GSR: variants seen among roughly 807,000 people sequenced by gnomAD.
GSR encodes the protein glutathione reductase, mitochondrial.
A neutral mutation model predicts 56.5 loss-of-function variants in GSR; 48 were observed. The observed-to-expected ratio is 0.85, with a 90% CI of 0.67 to 1.08. The LOEUF is 1.08. Among genes scored for constraint, GSR ranks in the 50% least tolerant of loss-of-function variants. The pLI is 0.00. For synonymous variants in GSR, 264 were observed against 270.8 expected (o/e 0.97, Z 0.25); for missense variants, 694 against 703.3 (o/e 0.99, Z 0.15).
chr8:30,701,147 C>T (rs1803725623), intron 5 of GSR, among the ~76,000 whole-genome samples: 2 of 152,252 alleles, frequency 1.3e-5, no homozygotes, highest in Non-Finnish European at 2.9e-5. Context: ...TCTGTAGCCC[C>T]CCTACCCTCA....
At chr8:30,714,394 T>G (rs1439449602) in intron 1 of GSR, among the ~76,000 whole-genome samples, 3 of 151,770 alleles carry the variant, frequency 2.0e-5, no homozygotes, top group African/African-American at 7.3e-5. Flanking sequence ...AGAGACAGAG[T>G]CGCACCATGT....
At chr8:30,705,567 A>C (rs1340803125) in intron 4 of GSR, among the ~76,000 whole-genome samples, 1 of 151,948 alleles carries the variant, frequency 6.6e-6, no homozygotes, top group Non-Finnish European at 1.5e-5. Context: ...CGGCCTCTAC[A>C]AACGTTTTTT....
chr8:30,692,322 G>A (rs1049021685), intron 8 of GSR, among the ~76,000 whole-genome samples: 7 of 134,140 alleles, frequency 5.2e-5, no homozygotes, highest in East Asian at 2.6e-4. Flanking sequence ...CTCCTGCCCC[G>A]AGTAGCTGGA....
intron 3 of GSR, among the ~76,000 whole-genome samples, chr8:30,709,059 C>T (rs1191837315): frequency 1.3e-5 from 2 of 150,644 alleles, no homozygotes; most frequent in Admixed American, 6.6e-5. Flanking sequence ...TCTTATTCTG[C>T]CTTTAAAAGG....
intron 12 of GSR, among the ~76,000 whole-genome samples, chr8:30,680,537 A>G (rs2956007): frequency 0.8 from 120,786 of 150,936 alleles, 48,463 homozygotes; most frequent in East Asian, 0.9. Flanking sequence ...TGGGATTACA[A>G]GCACGCACCA....
intron 2 of GSR, 56 bp from the exon 3 acceptor site, chr8:30,709,958 A>T: frequency 1.1e-6 from 1 of 932,426 alleles, no homozygotes; most frequent in Non-Finnish European, 1.7e-6. Context: ...GTCCTGAGGG[A>T]AAAAAGGAAT....
chr8:30,685,710 C>T (rs1803137902), intron 9 of GSR, among the ~76,000 whole-genome samples: 1 of 152,040 alleles, frequency 6.6e-6, no homozygotes, highest in South Asian at 2.1e-4. Flanking sequence ...CGCAGTGGTT[C>T]AGGCCTGTAA....
At chr8:30,692,725 G>A (rs983846674) in intron 8 of GSR, among the ~76,000 whole-genome samples, 1 of 150,698 alleles carries the variant, frequency 6.6e-6, no homozygotes, top group Admixed American at 6.6e-5. Context: ...TGTTCTCGAA[G>A]TCCTGACTTC....
chr8:30,682,973 G>A (rs958701239), intron 10 of GSR, among the ~76,000 whole-genome samples: 7 of 151,924 alleles, frequency 4.6e-5, no homozygotes, highest in South Asian at 2.1e-4. Flanking sequence ...GACTACAGGC[G>A]TGTGCCACCA....
intron 6 of GSR, among the ~76,000 whole-genome samples, chr8:30,697,938 G>C (rs373994855): frequency 7.9e-5 from 12 of 152,132 alleles, no homozygotes; most frequent in African/African-American, 2.7e-4. Flanking sequence ...AAATTCGCTC[G>C]CCTCAGGCCT....
intron 1 of GSR, among the ~76,000 whole-genome samples, chr8:30,725,598 T>A (rs780543723): frequency 2.7e-5 from 4 of 147,792 alleles, no homozygotes; most frequent in Non-Finnish European, 4.5e-5. Context: ...AAATAAAAAA[T>A]TAGCTGGGTG....
intron 4 of GSR, among the ~76,000 whole-genome samples, chr8:30,706,602 G>A (rs962407541): frequency 1.3e-5 from 2 of 152,146 alleles, no homozygotes; most frequent in South Asian, 2.1e-4. Context: ...GGAAGATATT[G>A]TCAAGGAAAA....
chr8:30,680,381 GTTTTTTTTT>G (rs34342136), intron 12 of GSR, among the ~76,000 whole-genome samples: 1 of 33,378 alleles, frequency 3.0e-5, no homozygotes, highest in African/African-American at 9.5e-5. Context: ...GGCCTCTCCT[GTTTTTTTTT>G]TTTTTTTTTT....
intron 1 of GSR, among the ~76,000 whole-genome samples, chr8:30,725,351 T>A (rs2343688): frequency 3.3e-5 from 5 of 151,450 alleles, no homozygotes; most frequent in Admixed American, 2.0e-4. Context: ...TTTGGGAGGC[T>A]GAGGTGAGCG....
chr8:30,691,914 C>T (rs1803390440), intron 8 of GSR, among the ~76,000 whole-genome samples: 1 of 151,784 alleles, frequency 6.6e-6, no homozygotes, highest in South Asian at 2.1e-4. Flanking sequence ...GCCTGGCCAA[C>T]ATGGCTCAAC....
chr8:30,688,937 A>C (rs766976981), intron 9 of GSR, among the ~76,000 whole-genome samples: 2 of 152,096 alleles, frequency 1.3e-5, no homozygotes, highest in African/African-American at 2.4e-5. Flanking sequence ...CAAAAAGAAA[A>C]AAACAAAAAC....
At chr8:30,701,320 G>T (rs2128743825) in intron 5 of GSR, among the ~76,000 whole-genome samples, 1 of 152,096 alleles carries the variant, frequency 6.6e-6, no homozygotes, top group Middle Eastern at 3.4e-3. Context: ...ACAAAAATTA[G>T]CTGAGTGTGG....
chr8:30,714,307 G>A (rs1004463063), intron 1 of GSR, among the ~76,000 whole-genome samples: 2 of 141,294 alleles, frequency 1.4e-5, no homozygotes, highest in African/African-American at 5.1e-5. Context: ...CGCTCCCCGG[G>A]ATCAAACAAT....
At chr8:30,697,648 C>A (rs1803595564) in intron 6 of GSR, among the ~76,000 whole-genome samples, 1 of 152,036 alleles carries the variant, frequency 6.6e-6, no homozygotes, top group African/African-American at 2.4e-5. Flanking sequence ...AGAAAAATCC[C>A]TAATATCCCG....
Sources: allele counts gnomAD v4.1 joint callset (sites outside exome capture counted in the v4.1 genomes callset), GRCh38; gene constraint gnomAD v4.1.1; transcripts MANE v1.5; gene names NCBI Gene and HGNC (gene_info 2026-07-23, HGNC 2026-07-21).